The following SCCPDH variants were observed in gnomAD, a reference collection of about 807,000 sequenced individuals.
The protein encoded by SCCPDH is saccharopine dehydrogenase-like oxidoreductase.
A neutral mutation model predicts 51.5 loss-of-function variants in SCCPDH; 34 were observed. That is an observed-to-expected ratio of 0.66 (90% CI 0.50 to 0.88). The LOEUF is 0.88. Among genes scored for constraint, SCCPDH ranks in the 40% least tolerant of loss-of-function variants. The pLI, the probability that SCCPDH is intolerant of heterozygous loss-of-function variation, is 0.00. For synonymous variants in SCCPDH, 187 were observed against 191.3 expected (o/e 0.98, Z 0.19); for missense variants, 464 against 527.1 (o/e 0.88, Z 1.17).
intron 5 of SCCPDH, among the ~76,000 whole-genome samples, chr1:246,754,498 G>A (rs1668900793): frequency 6.6e-6 from 1 of 152,206 alleles, no homozygotes; most frequent in African/African-American, 2.4e-5. Context: ...TTTCAACTAG[G>A]CTGTAGCAGG....
chr1:246,736,019 T>C lies in SCCPDH; in HGVS notation c.348T>C (p.Asn116=). The part of the protein sequence containing the change: ...GEPVIKACIE[N]GASCIDISGE... The stretch of plus-strand genomic sequence containing the variant: ...CTGTAATAAAAGCATGTATTGAAAA[T>C]GGAGCCAGTTGTATCGACATCAGTG... Residue 116 remains asparagine (N), a synonymous_variant, in exon 3 of 12, where the codon AAT becomes AAC. Coordinates refer to ENST00000366510, the MANE Select transcript of SCCPDH (RefSeq NM_016002.3). 6.2e-7 allele frequency: 1 copy of C among 1,613,114 alleles called. No homozygotes were observed. Among genetic ancestry groups the C allele is most frequent in the Non-Finnish European group, 8.5e-7 (1 of 1,179,240 alleles).
At chr1:246,730,311 T>G (rs2102980021) in intron 2 of SCCPDH, among the ~76,000 whole-genome samples, 1 of 152,326 alleles carries the variant, frequency 6.6e-6, no homozygotes, top group Non-Finnish European at 1.5e-5. Context: ...TTGCTCAGCT[T>G]CTACGTTGTC....
chr1:246,742,485 G>T (rs954450621), intron 4 of SCCPDH, among the ~76,000 whole-genome samples: 6 of 152,200 alleles, frequency 3.9e-5, no homozygotes, highest in African/African-American at 1.4e-4. Flanking sequence ...TAGGTGTTCT[G>T]TGTTCTTCTG....
intron 1 of SCCPDH, among the ~76,000 whole-genome samples, chr1:246,726,666 G>A (rs571758570): frequency 1.3e-5 from 2 of 152,180 alleles, no homozygotes; most frequent in South Asian, 2.1e-4. Flanking sequence ...TTTTTTAAAA[G>A]GTCAGTTTTT....
intron 1 of SCCPDH, among the ~76,000 whole-genome samples, chr1:246,726,149 A>G (rs1186209838): frequency 1.3e-5 from 2 of 152,022 alleles, no homozygotes; most frequent in Non-Finnish European, 2.9e-5. Flanking sequence ...GAGCCACTGC[A>G]CCCAGCCCTG....
chr1:246,763,641 A>C (rs1003667405), intron 9 of SCCPDH, among the ~76,000 whole-genome samples: 4 of 151,864 alleles, frequency 2.6e-5, no homozygotes, highest in East Asian at 3.9e-4. Context: ...TAATCTGTTT[A>C]TCTCTCTCTC....
At position 246,724,632 on chromosome 1, in the gene SCCPDH, C is replaced by T. The variant is rs529522061; in HGVS notation, c.190+20C>T. 5 of 1,440,090 alleles carry T rather than the reference C, an allele frequency of 3.5e-6. No individual in the cohort carries two copies. Among genetic ancestry groups the T allele is most frequent in the African/African-American group, 1.5e-5 (1 of 66,028 alleles). The allele number at this position is 1,440,090 out of a possible 1,614,324, so 89.2% of individuals were successfully genotyped here. A position where few individuals can be genotyped will look rare whatever the true frequency, so the allele number is the denominator to read the frequency against. The stretch of plus-strand genomic sequence containing the variant: ...AGCTGGGTACAGCGGCGGGGCGGGA[C>T]GGGGCTGCGCGGGCGGCTGGGCCGG... On this transcript the variant is annotated intron_variant, in intron 1 of 11. Coordinates refer to ENST00000366510, the MANE Select transcript of SCCPDH (RefSeq NM_016002.3).
intron 2 of SCCPDH, among the ~76,000 whole-genome samples, chr1:246,730,635 C>T (rs3007321): frequency 0.98 from 148,909 of 152,342 alleles, 72,871 homozygotes; most frequent in East Asian, 1. Context: ...ATATAGTAAC[C>T]GTTAACGGAA....
intron 9 of SCCPDH, among the ~76,000 whole-genome samples, chr1:246,763,827 C>G (rs1669052328): frequency 6.6e-6 from 1 of 152,144 alleles, no homozygotes; most frequent in Non-Finnish European, 1.5e-5. Flanking sequence ...GATAAGTCCT[C>G]AAGAATTTAG....
chr1:246,756,150 T>C (rs548901241), intron 5 of SCCPDH, among the ~76,000 whole-genome samples: 3 of 152,346 alleles, frequency 2.0e-5, no homozygotes, highest in South Asian at 2.1e-4. Context: ...CTAGCTGCAA[T>C]GTAGGAGTTA....
chr1:246,736,873 C>G (rs747910383), intron 3 of SCCPDH, among the ~76,000 whole-genome samples: 3 of 151,990 alleles, frequency 2.0e-5, no homozygotes, highest in African/African-American at 7.3e-5. Flanking sequence ...AAAAATATAC[C>G]TATAGGGTAG....
intron 3 of SCCPDH, among the ~76,000 whole-genome samples, chr1:246,739,145 G>A (rs1167260195): frequency 2.6e-5 from 4 of 152,094 alleles, no homozygotes; most frequent in African/African-American, 9.7e-5. Context: ...GTGTGATTGT[G>A]TTTGTGTGTC....
intron 4 of SCCPDH, among the ~76,000 whole-genome samples, chr1:246,741,441 C>T (rs1432786430): frequency 6.6e-6 from 1 of 152,096 alleles, no homozygotes; most frequent in East Asian, 1.9e-4. Context: ...GGACTGCAGG[C>T]TTATGCCACC....
At position 246,767,353 on chromosome 1, in the gene SCCPDH, A is replaced by G. The variant is rs567768578; in HGVS notation, c.*53A>G. 2 of 1,024,558 alleles carry G rather than the reference A, an allele frequency of 2.0e-6. No homozygotes were observed. Among genetic ancestry groups the G allele is most frequent in the African/African-American group, 1.7e-5 (1 of 60,524 alleles). The allele number at this position is 1,024,558 out of a possible 1,614,324, so 63.5% of individuals were successfully genotyped here. On this transcript the variant is annotated 3_prime_UTR_variant, in exon 12 of 12. Transcript: ENST00000366510. ...ACGTGCGTGAATTAACAGCTTCTCTATTTGATATTTGAAATTCTTCTGTAA... is the reference window on the plus strand; with the variant it reads ...ACGTGCGTGAATTAACAGCTTCTCTGTTTGATATTTGAAATTCTTCTGTAA...
intron 4 of SCCPDH, among the ~76,000 whole-genome samples, chr1:246,742,803 G>A (rs1668699815): frequency 6.6e-6 from 1 of 152,112 alleles, no homozygotes; most frequent in Non-Finnish European, 1.5e-5. Context: ...GAATTAGCCA[G>A]CCCATTATAT....
Position 246,741,682 on chromosome 1 carries a change from C to G in SCCPDH, c.514+1381C>G, listed in dbSNP as rs147782426. Among the ~76,000 whole-genome samples, 1,237 of 152,284 alleles carry G rather than the reference C, an allele frequency of 8.1e-3. 9 individuals carry two copies. Among genetic ancestry groups the G allele is most frequent in the Non-Finnish European group, 0.012 (846 of 68,000 alleles). On this transcript the variant is annotated intron_variant, in intron 4 of 11. Transcript: ENST00000366510. The stretch of plus-strand genomic sequence containing the variant: ...ATGCAATTATATCAGAGGTGAACAG[C>G]TATATGCCCATCTCAAAAAATGATT...
In SCCPDH at chr1:246,760,217, C is replaced by G. The variant is rs776359601; in HGVS notation, c.980C>G (p.Thr327Arg). The G allele has an allele frequency of 6.8e-6, 11 of 1,608,334 alleles. No individual in the cohort carries two copies. In the East Asian group the frequency reaches 2.0e-4, roughly 29 times the overall value. ...GGCTATTTTTCAAAACAAGGCCCAA[C>G]ACAAAAACAGGTAATTTCTTTTGTA... ...SFGYFSKQGPTQKQIDAASFT... is the reference protein window; with the variant it reads ...SFGYFSKQGPRQKQIDAASFT... Residue 327 changes from threonine (T) to arginine (R), a missense_variant, in exon 9 of 12, where the codon ACA (threonine) becomes AGA (arginine). By Grantham distance (71) the Thr-to-Arg change is moderately conservative (BLOSUM62 -1). Coordinates refer to ENST00000366510, the MANE Select transcript of SCCPDH (RefSeq NM_016002.3).
At position 246,740,225 on chromosome 1, in the gene SCCPDH, T is replaced by A. The variant is rs777445005; in HGVS notation, c.438T>A (p.Val146=). ...ATGAGAAAGCTGCAGACAAAGGGGT[T>A]TATATCATTGGAAGCAGCGGCTTTG... ...KYHEKAADKG[V]YIIGSSGFDS... Residue 146 remains valine, a synonymous_variant, in exon 4 of 12, where the codon GTT becomes GTA. Transcript: ENST00000366510. 15 of 1,609,956 alleles carry A rather than the reference T, an allele frequency of 9.3e-6. No homozygotes were observed. Among genetic ancestry groups the A allele is most frequent in the Non-Finnish European group, 1.3e-5 (15 of 1,176,884 alleles).
chr1:246,748,087 A>G (rs1415665852), intron 5 of SCCPDH, among the ~76,000 whole-genome samples: 1 of 152,024 alleles, frequency 6.6e-6, no homozygotes, highest in Non-Finnish European at 1.5e-5. Flanking sequence ...TTTTTTTAAC[A>G]TGTCTTGGCT....
Sources: gnomAD v4.1 joint callset for allele counts (sites outside exome capture counted in the v4.1 genomes callset) on GRCh38, gnomAD v4.1.1 for gene constraint, MANE v1.5 for transcripts, NCBI Gene and HGNC (gene_info 2026-07-23, HGNC 2026-07-21) for gene names.